DAB1: variants seen among roughly 807,000 people sequenced by gnomAD.
DAB1 encodes the protein disabled homolog 1.
Under a neutral mutation model 64.6 loss-of-function variants are expected in DAB1, and 15 were observed. The ratio of observed to expected loss-of-function variants is 0.23; its 90% CI spans 0.16 to 0.36. The LOEUF (loss-of-function observed/expected upper bound fraction) is 0.36. Ranked by LOEUF, DAB1 falls within the 10% of genes least tolerant of loss-of-function variation. The pLI is 1.00. For synonymous variants in DAB1, 235 were observed against 251.9 expected (o/e 0.93, Z 0.64); for missense variants, 596 against 706.7 (o/e 0.84, Z 1.78).
intron 9 of DAB1, among the ~76,000 whole-genome samples, chr1:57,029,995 G>A (rs977239561): frequency 6.6e-6 from 1 of 152,150 alleles, no homozygotes; most frequent in Non-Finnish European, 1.5e-5. Context: ...GAGATTTGGA[G>A]GGGCCAGGGG....
intron 3 of DAB1, among the ~76,000 whole-genome samples, chr1:58,410,153 T>C (rs890810094): frequency 6.6e-6 from 1 of 152,188 alleles, no homozygotes; most frequent in Admixed American, 6.5e-5. Flanking sequence ...CTCCACTTCA[T>C]CAGCATGCTG....
intron 4 of DAB1, among the ~76,000 whole-genome samples, chr1:58,301,334 T>C (rs535084296): frequency 6.6e-6 from 1 of 152,228 alleles, no homozygotes; most frequent in East Asian, 1.9e-4. Flanking sequence ...TCAGCCAAGT[T>C]TATCTCAACC....
intron 4 of DAB1, among the ~76,000 whole-genome samples, chr1:58,215,305 G>C (rs1395511676): frequency 1.3e-5 from 2 of 151,760 alleles, no homozygotes; most frequent in Non-Finnish European, 2.9e-5. Context: ...CAGGTCTCAA[G>C]TCAAATGACC....
At chr1:57,697,733 G>A (rs937216041) in intron 6 of DAB1, among the ~76,000 whole-genome samples, 19 of 152,270 alleles carry the variant, frequency 1.2e-4, no homozygotes, top group African/African-American at 4.3e-4. Context: ...GGGAGCTGAA[G>A]AGAGATTACC....
Position 57,842,660 on chromosome 1 carries a change from G to C in DAB1, n.88-16205C>G, listed in dbSNP as rs528828883. On this transcript the variant is annotated intron_variant and non_coding_transcript_variant, in intron 1 of 1. Coordinates refer to the DAB1 transcript ENST00000477280. ...GGTGGCAGGAAAGAGGGCAAGCAAG[G>C]GGGGGATGTGCCATACTTTAAAACC... Among the ~76,000 whole-genome samples the C allele has an allele frequency of 1.1e-4, 16 of 152,270 alleles. No individual in the cohort carries two copies. In the East Asian group the frequency reaches 2.9e-3, roughly 28 times the overall value.
chr1:57,693,108 C>T (rs1413404229), intron 6 of DAB1, among the ~76,000 whole-genome samples: 1 of 152,162 alleles, frequency 6.6e-6, no homozygotes, highest in African/African-American at 2.4e-5. Context: ...CAACTAACAA[C>T]TTCTACCGAG....
intron 3 of DAB1, among the ~76,000 whole-genome samples, chr1:57,141,017 TA>T (rs1357037954): frequency 6.6e-6 from 1 of 152,108 alleles, no homozygotes; most frequent in Non-Finnish European, 1.5e-5. Context: ...AGGGAACATG[TA>T]AAACATATGT....
chr1:57,986,095 C>T (rs1215044304), intron 5 of DAB1, among the ~76,000 whole-genome samples: 1 of 152,142 alleles, frequency 6.6e-6, no homozygotes, highest in Non-Finnish European at 1.5e-5. Context: ...CAGTATAGGA[C>T]ACACCAAGCT....
At chr1:58,281,043 G>A (rs1341466744) in intron 4 of DAB1, among the ~76,000 whole-genome samples, 1 of 152,186 alleles carries the variant, frequency 6.6e-6, no homozygotes, top group African/African-American at 2.4e-5. Context: ...CACAGCTTGT[G>A]TGTTTGGGGA....
chr1:58,141,688 T>C (rs1237779061), intron 5 of DAB1, among the ~76,000 whole-genome samples: 1 of 152,100 alleles, frequency 6.6e-6, no homozygotes, highest in African/African-American at 2.4e-5. Flanking sequence ...GAGATTTGCA[T>C]GGGGACAAAT....
chr1:57,185,279 A>T (rs940527130), intron 2 of DAB1, among the ~76,000 whole-genome samples: 1 of 152,174 alleles, frequency 6.6e-6, no homozygotes, highest in Non-Finnish European at 1.5e-5. Context: ...CTCTCCTGGA[A>T]CTTATGATGC....
At chr1:57,273,067 CT>C (rs1021188825) in intron 2 of DAB1, among the ~76,000 whole-genome samples, 6 of 152,186 alleles carry the variant, frequency 3.9e-5, no homozygotes, top group Non-Finnish European at 4.4e-5. Context: ...ACCTCAACTT[CT>C]ATTTGCACCA....
chr1:58,518,006 G>A (rs1646184199), intron 2 of DAB1, among the ~76,000 whole-genome samples: 1 of 151,298 alleles, frequency 6.6e-6, no homozygotes. Context: ...GCCCAACATG[G>A]AGAAACCCCG....
rs545519681 is a variant in DAB1, at chr1:57,783,649, CTA to C, written n.551+100348_551+100349del. 1.1e-3 allele frequency among the ~76,000 whole-genome samples: 162 copies of C among 152,222 alleles called. 3 individuals are homozygous for C. The South Asian group carries it at 0.012, about 11-fold the overall frequency. On this transcript the variant is annotated intron_variant and non_coding_transcript_variant, in intron 6 of 20. Transcript: ENST00000485760. ...TGTGGAAACCCTGTGTTGAGCAATT[CTA>C]TCAGTGCCATTTTTTCAACAGTATG...
chr1:57,673,039 G>A (rs145573303), intron 6 of DAB1, among the ~76,000 whole-genome samples: 2 of 152,290 alleles, frequency 1.3e-5, no homozygotes, highest in African/African-American at 2.4e-5. Flanking sequence ...ATACCATAGA[G>A]TGGGTGGCTT....
intron 11 of DAB1, among the ~76,000 whole-genome samples, chr1:57,018,957 T>C (rs1646523606): frequency 6.6e-6 from 1 of 152,152 alleles, no homozygotes; most frequent in Admixed American, 6.5e-5. Flanking sequence ...TTCTGTGCTG[T>C]CTAACCCTGA....
intron 1 of DAB1, among the ~76,000 whole-genome samples, chr1:57,389,706 G>T (rs1266171960): frequency 6.6e-6 from 1 of 152,146 alleles, no homozygotes; most frequent in Non-Finnish European, 1.5e-5. Context: ...GGTACAATTT[G>T]TGACCAATAG....
intron 3 of DAB1, among the ~76,000 whole-genome samples, chr1:58,430,203 A>C (rs1330233755): frequency 1.3e-5 from 2 of 152,340 alleles, no homozygotes; most frequent in Admixed American, 6.5e-5. Flanking sequence ...CACATCCAGC[A>C]ATGTCCAACT....
chr1:57,136,236 C>T (rs1015621068), intron 4 of DAB1, among the ~76,000 whole-genome samples: 10 of 152,134 alleles, frequency 6.6e-5, no homozygotes, highest in Admixed American at 3.3e-4. Context: ...GTTGCCAACG[C>T]ACAAAGAAAT....
Sources: gnomAD v4.1 joint callset for allele counts (sites outside exome capture counted in the v4.1 genomes callset) on GRCh38, gnomAD v4.1.1 for gene constraint, MANE v1.5 for transcripts, NCBI Gene and HGNC (gene_info 2026-07-23, HGNC 2026-07-21) for gene names.